The following EIF3A variants were observed in gnomAD, a reference collection of about 807,000 sequenced individuals.
EIF3A encodes the protein eukaryotic translation initiation factor 3 subunit A.
In EIF3A, 21 loss-of-function variants were observed where a neutral mutation model predicts 186.6. The ratio of observed to expected loss-of-function variants is 0.11; its 90% confidence interval spans 0.08 to 0.16. The LOEUF is 0.16. Ranked by LOEUF, EIF3A falls within the 10% of genes least tolerant of loss-of-function variation. The pLI is 1.00. For missense variants in EIF3A, 1,306 were observed against 1,796.3 expected (o/e 0.73, Z 4.93); for synonymous variants, 563 against 584.3 (o/e 0.96, Z 0.52).
At chr10:119,066,969 T>C (rs1843991406) in intron 6 of EIF3A, among the ~76,000 whole-genome samples, 1 of 150,664 alleles carries the variant, frequency 6.6e-6, no homozygotes, top group Admixed American at 6.6e-5. Context: ...TCCCAACACT[T>C]TGGGAGGCCG....
rs185619368 is a variant in EIF3A at position 119,034,721 on chromosome 10, G to T, written c.*1318C>A. The T allele has an allele frequency of 9.2e-5, 14 of 152,134 alleles. 1 individual carries two copies. The highest frequency in any genetic ancestry group is 3.4e-4 in the African/African-American group (14 of 41,412). The allele number at this position is 152,134 out of a possible 1,614,324, so 9.4% of individuals were successfully genotyped here. A position where few individuals can be genotyped will look rare whatever the true frequency, so the allele number is the denominator to read the frequency against. ...AAGTGCCTACAGCCATGATGAATTT[G>T]TAACATTTTCTCAAATTAACTACGA... On this transcript the variant is annotated 3_prime_UTR_variant, in exon 22 of 22. Coordinates refer to ENST00000369144, the MANE Select transcript of EIF3A (RefSeq NM_003750.4).
rs993219104 is a variant in EIF3A at position 119,057,867 on chromosome 10, G to A, written c.1977+89C>T. ...GTACCAAAATGCATGAAATAACCCA[G>A]TAAGCCAACAAATGGTAAAGGACTG... On this transcript the variant is annotated intron_variant, in intron 12 of 21. Transcript: ENST00000369144. The A allele has an allele frequency of 2.9e-6, 3 of 1,031,548 alleles. No individual in the cohort carries two copies. In the African/African-American group the frequency reaches 4.8e-5, roughly 17 times the overall value. 63.9% of individuals were successfully genotyped at this position (1,031,548 alleles called of 1,614,324 possible).
At position 119,059,989 on chromosome 10, in the gene EIF3A, A is replaced by G. The variant is rs370585646; in HGVS notation, c.1327-271T>C. Reference sequence around the variant, plus strand: ...TAAAAACCTGCTACTTACCGAATATATTTAAACACTTCTTATAGAATTTTT... The same window carrying G: ...TAAAAACCTGCTACTTACCGAATATGTTTAAACACTTCTTATAGAATTTTT... On this transcript the variant is annotated intron_variant, in intron 9 of 21. Coordinates refer to ENST00000369144, the MANE Select transcript of EIF3A (RefSeq NM_003750.4). 365 of 532,298 alleles carry G rather than the reference A, an allele frequency of 6.9e-4. 2 individuals are homozygous for G. The highest frequency in any genetic ancestry group is 6.2e-3 in the African/African-American group (319 of 51,410). 33.0% of individuals were successfully genotyped at this position (532,298 alleles called of 1,614,324 possible).
intron 14 of EIF3A, among the ~76,000 whole-genome samples, chr10:119,055,063 C>T (rs892694480): frequency 1.3e-5 from 2 of 152,148 alleles, no homozygotes; most frequent in African/African-American, 4.8e-5. Flanking sequence ...CAAAAACTAG[C>T]CGGGCATGGT....
intron 14 of EIF3A, among the ~76,000 whole-genome samples, chr10:119,053,208 A>G (rs1187639803): frequency 1.3e-5 from 2 of 152,142 alleles, no homozygotes; most frequent in East Asian, 3.8e-4. Context: ...TCATGTACAG[A>G]CCACAGAAAG....
chr10:119,074,098 AAAC>A (rs1464968268), intron 1 of EIF3A, among the ~76,000 whole-genome samples, 161 bp from the exon 2 acceptor site: 5 of 152,136 alleles, frequency 3.3e-5, no homozygotes. Flanking sequence ...ATCAAAAGTA[AAAC>A]AACAGAAAGA....
At chr10:119,080,508 C>A (rs1844247570) in intron 1 of EIF3A, 120 bp downstream of exon 1, 13 of 1,407,406 alleles carry the variant, frequency 9.2e-6, no homozygotes, top group Non-Finnish European at 1.1e-5. Context: ...GGCGGGCAGG[C>A]CGCATCGGTC....
chr10:119,069,379 T>C, intron 6 of EIF3A, 67 bp downstream of exon 6: 2 of 824,814 alleles, frequency 2.4e-6, no homozygotes, highest in Non-Finnish European at 4.1e-6. Context: ...GCCTAAAATA[T>C]ACCATGTCAT....
Position 119,035,642 on chromosome 10 carries a change from A to G in EIF3A, c.*397T>C, listed in dbSNP as rs1228029906. ...GATTCACTGCTTTAAAGGGTCTTCA[A>G]ATATATTTTAACAGAACCTTACTTC... On this transcript the variant is annotated 3_prime_UTR_variant, in exon 22 of 22. Transcript: ENST00000369144. The G allele has an allele frequency of 6.0e-6, 1 of 165,384 alleles. No homozygotes were observed. Among genetic ancestry groups the G allele is most frequent in the East Asian group, 1.7e-4 (1 of 6,038 alleles). The allele number at this position is 165,384 out of a possible 1,614,324, so 10.2% of individuals were successfully genotyped here. A position where few individuals can be genotyped will look rare whatever the true frequency, so the allele number is the denominator to read the frequency against.
intron 19 of EIF3A, among the ~76,000 whole-genome samples, chr10:119,041,005 CAAAAAAAAAA>C (rs34452005): frequency 3.8e-5 from 3 of 78,730 alleles, no homozygotes; most frequent in African/African-American, 5.4e-5. Context: ...ACTCCGTCTC[CAAAAAAAAAA>C]AAAAAAAAAA....
intron 19 of EIF3A, among the ~76,000 whole-genome samples, chr10:119,039,547 CTA>C (rs1285398153): frequency 3.3e-5 from 5 of 152,006 alleles, no homozygotes; most frequent in African/African-American, 9.7e-5. Context: ...TGGTGTGCAC[CTA>C]TAGTCTACTA....
rs749129573 is a variant in EIF3A, at chr10:119,059,442, G to A, written c.1444-45C>T. On this transcript the variant is annotated intron_variant, in intron 10 of 21. Coordinates refer to ENST00000369144, the MANE Select transcript of EIF3A (RefSeq NM_003750.4). Reference sequence around the variant, plus strand: ...AATGGTTAAATCCACAAGTAAGCATGAAGTCAAAAAGTAACAGAAGAATGT... The same window carrying A: ...AATGGTTAAATCCACAAGTAAGCATAAAGTCAAAAAGTAACAGAAGAATGT... 4.9e-6 allele frequency: 7 copies of A among 1,425,152 alleles called. No individual in the cohort carries two copies. The East Asian group carries it at 1.1e-4, about 23-fold the overall frequency. 88.3% of individuals were successfully genotyped at this position (1,425,152 alleles called of 1,614,324 possible). A position where few individuals can be genotyped will look rare whatever the true frequency, so the allele number is the denominator to read the frequency against.
At chr10:119,040,436 G>A (rs1848192420) in intron 19 of EIF3A, among the ~76,000 whole-genome samples, 1 of 152,200 alleles carries the variant, frequency 6.6e-6, no homozygotes. Flanking sequence ...AGGGATGGGT[G>A]GGCGTGAACA....
Position 119,044,110 on chromosome 10 carries a change from G to A in EIF3A, c.2691C>T (p.Gly897=), listed in dbSNP as rs375751079. The change falls in exon 18 of 22, where the codon GGC becomes GGT. Residue 897 remains glycine, a synonymous_variant. Coordinates refer to ENST00000369144, the MANE Select transcript of EIF3A (RefSeq NM_003750.4). ...CTGCTTCAGGTCCTTTTCTCCAGGTGCCTTCTGAATCTCTATCTCCCCAAC... is the reference window on the plus strand; with the variant it reads ...CTGCTTCAGGTCCTTTTCTCCAGGTACCTTCTGAATCTCTATCTCCCCAAC... The part of the protein sequence containing the change: ...DSRWGDRDSE[G]TWRKGPEADS... 1.4e-5 allele frequency: 23 copies of A among 1,613,760 alleles called. No homozygotes were observed. The African/African-American group carries it at 2.9e-4, about 21-fold the overall frequency.
intron 17 of EIF3A, among the ~76,000 whole-genome samples, chr10:119,047,444 A>G (rs1025069755): frequency 7.2e-5 from 11 of 152,220 alleles, no homozygotes; most frequent in Non-Finnish European, 1.5e-4. Context: ...ACTCTCCCAA[A>G]AAAAAGGGAA....
At chr10:119,057,322 A>G (rs189475020) in intron 12 of EIF3A, among the ~76,000 whole-genome samples, 1 of 152,224 alleles carries the variant, frequency 6.6e-6, no homozygotes, top group Admixed American at 6.5e-5. Context: ...AAATGCTCCC[A>G]ATTTTAAAAC....
chr10:119,061,167 A>G, intron 8 of EIF3A, 57 bp downstream of exon 8: 1 of 987,362 alleles, frequency 1.0e-6, no homozygotes, highest in Admixed American at 2.2e-5. Context: ...ATACAACCCA[A>G]AACTGCAAGA....
At chr10:119,049,279 G>C (rs1022457668) in intron 17 of EIF3A, among the ~76,000 whole-genome samples, 2 of 152,068 alleles carry the variant, frequency 1.3e-5, no homozygotes, top group African/African-American at 4.8e-5. Flanking sequence ...GGCCAACATG[G>C]TGAAACCATA....
rs1564749017 is a variant in EIF3A, at chr10:119,042,054, GATC to G, written c.3463_3465del (p.Asp1155del). On this transcript the variant is annotated inframe_deletion, in exon 19 of 22. Coordinates refer to ENST00000369144, the MANE Select transcript of EIF3A (RefSeq NM_003750.4). The surrounding 1 kb of genome is among the most constrained non-coding windows in gnomAD (Gnocchi z 7.8). ...GAGTCATCACCCCGTCTGGGAAACC[GATC>G]ATCATCAGCACGTCTTGAAAGGCGA... The G allele has an allele frequency of 1.4e-5, 22 of 1,613,996 alleles. No homozygotes were observed. Among genetic ancestry groups the G allele is most frequent in the Non-Finnish European group, 1.9e-5 (22 of 1,179,996 alleles).
Sources: allele counts gnomAD v4.1 joint callset (sites outside exome capture counted in the v4.1 genomes callset), GRCh38; gene constraint gnomAD v4.1.1; non-coding constraint Gnocchi (gnomAD v3.1); transcripts MANE v1.5; gene names NCBI Gene and HGNC (gene_info 2026-07-23, HGNC 2026-07-21).